The following CADPS variants were observed in gnomAD, a reference collection of about 807,000 sequenced individuals.
CADPS encodes the protein calcium dependent secretion activator.
Under a neutral mutation model 167.3 loss-of-function variants are expected in CADPS, and 57 were observed. The ratio of observed to expected loss-of-function variants is 0.34; its 90% CI spans 0.28 to 0.42. The LOEUF (loss-of-function observed/expected upper bound fraction) is 0.42. Among genes scored for constraint, CADPS ranks in the 20% least tolerant of loss-of-function variants. The pLI is 1.00. For synonymous variants in CADPS, 676 were observed against 635.3 expected (o/e 1.06, Z -0.96); for missense variants, 1,414 against 1,738.1 (o/e 0.81, Z 3.32).
At chr3:62,542,090 T>C (rs977137313) in intron 11 of CADPS, among the ~76,000 whole-genome samples, 1 of 152,212 alleles carries the variant, frequency 6.6e-6, no homozygotes, top group Non-Finnish European at 1.5e-5. Flanking sequence ...AAAAATTCAC[T>C]GTTGAAAATA....
intron 4 of CADPS, among the ~76,000 whole-genome samples, chr3:62,660,562 T>C (rs2072952644): frequency 6.6e-6 from 1 of 152,170 alleles, no homozygotes; most frequent in Non-Finnish European, 1.5e-5. Context: ...CAGGGGGATT[T>C]TGATGCTTCT....
Position 62,605,432 on chromosome 3 carries a change from C to A in CADPS, c.1326-12684G>T, listed in dbSNP as rs546235486. Among the ~76,000 whole-genome samples, 11 of 152,300 alleles carry A rather than the reference C, an allele frequency of 7.2e-5. 1 individual carries two copies. In the South Asian group the frequency reaches 2.1e-3, roughly 29 times the overall value. On this transcript the variant is annotated intron_variant, in intron 6 of 29. Coordinates refer to ENST00000383710, the MANE Select transcript of CADPS (RefSeq NM_003716.4). Reference sequence around the variant, plus strand: ...TTATGATCTCAGACACATTTATTAGCCTCTCAGGTTTCAGTCTTCATGTCT... The same window carrying A: ...TTATGATCTCAGACACATTTATTAGACTCTCAGGTTTCAGTCTTCATGTCT...
chr3:62,585,943 A>C (rs1393372235), intron 7 of CADPS, among the ~76,000 whole-genome samples: 1 of 152,206 alleles, frequency 6.6e-6, no homozygotes, highest in Non-Finnish European at 1.5e-5. Flanking sequence ...AAGAAGGACC[A>C]TTTCTTAGGA....
At chr3:62,512,625 G>C in intron 17 of CADPS, 126 bp downstream of exon 17, 1 of 601,674 alleles carries the variant, frequency 1.7e-6, no homozygotes, top group Middle Eastern at 2.9e-4. Context: ...AACTCCTTAA[G>C]TATTATTGCA....
At chr3:62,598,808 T>G (rs564742449) in intron 6 of CADPS, among the ~76,000 whole-genome samples, 2 of 152,228 alleles carry the variant, frequency 1.3e-5, no homozygotes, top group African/African-American at 4.8e-5. Context: ...CACTGCTTTA[T>G]GTCTTGATTA....
Position 62,585,167 on chromosome 3 carries a change from T to C in CADPS, c.1577+18A>G. On this transcript the variant is annotated intron_variant, in intron 8 of 29. Coordinates refer to ENST00000383710, the MANE Select transcript of CADPS (RefSeq NM_003716.4). ...CAGACGTGTGTCCAAAACTGCTAGT[T>C]GGGGAAGAAACACTTACCCAGAATG... The C allele has an allele frequency of 1.2e-6, 2 of 1,611,960 alleles. No homozygotes were observed. The highest frequency in any genetic ancestry group is 1.7e-6 in the Non-Finnish European group (2 of 1,178,124).
intron 1 of CADPS, among the ~76,000 whole-genome samples, chr3:62,838,758 T>G (rs774327111): frequency 1.3e-4 from 20 of 152,220 alleles, no homozygotes; most frequent in Non-Finnish European, 2.8e-4. Flanking sequence ...TTAATAATCA[T>G]TATAATCTTG....
At chr3:62,779,812 A>C (rs1295905969) in intron 1 of CADPS, 1 of 249,736 alleles carries the variant, frequency 4.0e-6, no homozygotes, top group Non-Finnish European at 7.9e-6. Flanking sequence ...AGTGAGAAGG[A>C]AACTAGATTT....
At chr3:62,403,424 G>A (rs59899615) in intron 28 of CADPS, 15 of 310,564 alleles carry the variant, frequency 4.8e-5, no homozygotes, top group African/African-American at 2.3e-4. Flanking sequence ...GAATCTAATT[G>A]AACTCTTCCA....
At chr3:62,831,372 G>A (rs930607881) in intron 1 of CADPS, among the ~76,000 whole-genome samples, 9 of 152,090 alleles carry the variant, frequency 5.9e-5, no homozygotes, top group East Asian at 5.8e-4. Context: ...TTCAGAAACC[G>A]TGCTTTTATC....
At chr3:62,691,288 T>C (rs2079066059) in intron 3 of CADPS, among the ~76,000 whole-genome samples, 1 of 151,926 alleles carries the variant, frequency 6.6e-6, no homozygotes, top group African/African-American at 2.4e-5. Context: ...AGAACCCTAA[T>C]GTAAACCAAG....
At chr3:62,426,335 G>A (rs1345286657) in intron 28 of CADPS, among the ~76,000 whole-genome samples, 1 of 152,102 alleles carries the variant, frequency 6.6e-6, no homozygotes, top group Non-Finnish European at 1.5e-5. Flanking sequence ...ATTTTTAGTA[G>A]AGATGAGGTT....
chr3:62,786,895 G>A (rs965686591), intron 1 of CADPS, among the ~76,000 whole-genome samples: 1 of 152,154 alleles, frequency 6.6e-6, no homozygotes, highest in Non-Finnish European at 1.5e-5. Flanking sequence ...TTGGTGGGTA[G>A]AATTGAAACA....
rs2079865218 is a variant in CADPS, at chr3:62,857,129, TAAA to T, written c.441+17457_441+17459del. On this transcript the variant is annotated intron_variant, in intron 1 of 29. Transcript: ENST00000383710. ...ATACCACTAAAATAGAAATAGCTCT[TAAA>T]AACAAATAAGCATAACAATGGATGG... 3.9e-5 allele frequency among the ~76,000 whole-genome samples: 6 copies of T among 152,114 alleles called. No homozygotes were observed. In the South Asian group the frequency reaches 1.2e-3, roughly 32 times the overall value.
chr3:62,409,272 A>G (rs1009462307), intron 28 of CADPS, among the ~76,000 whole-genome samples: 4 of 152,254 alleles, frequency 2.6e-5, no homozygotes, highest in Non-Finnish European at 1.5e-5. Context: ...TATAGAAGTA[A>G]TGGATTGGTT....
chr3:62,520,860 T>C, intron 13 of CADPS, among the ~76,000 whole-genome samples: 1 of 152,324 alleles, frequency 6.6e-6, no homozygotes, highest in African/African-American at 2.4e-5. Flanking sequence ...TTCACTTCAT[T>C]GTTTTCGAAA....
chr3:62,633,861 A>T (rs2065766053), intron 6 of CADPS, among the ~76,000 whole-genome samples: 1 of 152,110 alleles, frequency 6.6e-6, no homozygotes, highest in East Asian at 1.9e-4. Flanking sequence ...GTACAAGAAC[A>T]ATCGAAATTA....
chr3:62,429,058 T>A (rs2053388759), intron 28 of CADPS, among the ~76,000 whole-genome samples: 1 of 151,816 alleles, frequency 6.6e-6, no homozygotes, highest in South Asian at 2.1e-4. Context: ...ACCACTGAAA[T>A]TTTTGAAATT....
chr3:62,462,215 T>A (rs1253228857), intron 26 of CADPS, among the ~76,000 whole-genome samples: 2 of 152,192 alleles, frequency 1.3e-5, no homozygotes, highest in Non-Finnish European at 1.5e-5. Flanking sequence ...CTTTCAAAAG[T>A]TCGAAAGGCG....
Sources: gnomAD v4.1 joint callset for allele counts (sites outside exome capture counted in the v4.1 genomes callset) on GRCh38, gnomAD v4.1.1 for gene constraint, MANE v1.5 for transcripts, NCBI Gene and HGNC (gene_info 2026-07-23, HGNC 2026-07-21) for gene names.